NUP214: variants seen among roughly 807,000 people sequenced by gnomAD.
NUP214 encodes the protein nucleoporin 214, also known as nuclear pore complex protein Nup214.
A neutral mutation model predicts 196.2 loss-of-function variants in NUP214; 79 were observed. That is an observed-to-expected ratio of 0.40 (90% CI 0.34 to 0.49). The LOEUF (loss-of-function observed/expected upper bound fraction) is 0.49. Among genes scored for constraint, NUP214 ranks in the 20% least tolerant of loss-of-function variants. The pLI, the probability that NUP214 is intolerant of heterozygous loss-of-function variation, is 0.58. For missense variants in NUP214, 2,468 were observed against 2,539.0 expected (o/e 0.97, Z 0.60); for synonymous variants, 1,020 against 990.5 (o/e 1.03, Z -0.56).
intron 24 of NUP214, 99 bp downstream of exon 24, chr9:131,178,509 T>A: frequency 3.7e-6 from 3 of 816,392 alleles, no homozygotes; most frequent in Non-Finnish European, 6.1e-6. Flanking sequence ...AGTCTGGTTT[T>A]CCTGCACCGC....
Position 131,198,388 on chromosome 9 carries a change from G to A in NUP214, c.4894G>A (p.Ala1632Thr), listed in dbSNP as rs1159715933. The A allele has an allele frequency of 1.2e-6, 2 of 1,614,152 alleles. No homozygotes were observed. The highest frequency in any genetic ancestry group is 1.7e-5 in the Admixed American group (1 of 60,014). ...TGTTGCTCCCGGCCCATCTGCAGAG[G>A]CAGCAGCATTTGGTACCGTCACTTC... ...SIVAPGPSAE[A>T]AAFGTVTSGS... The change falls in exon 29 of 36, where the codon GCA (alanine) becomes ACA (threonine). Residue 1632 changes from alanine (A) to threonine (T), a missense_variant. Around this residue, in one of 5 missense-constraint regions of NUP214, gnomAD observed 1,801 missense variants for 1,779.4 expected, o/e 1.01. Coordinates refer to ENST00000359428, the MANE Select transcript of NUP214 (RefSeq NM_005085.4).
intron 1 of NUP214, chr9:131,126,347 G>T (rs759577799): frequency 1.3e-5 from 2 of 152,936 alleles, no homozygotes; most frequent in Non-Finnish European, 2.9e-5. Context: ...TGATAGCAAC[G>T]TGGGAGTCCC....
intron 33 of NUP214, 146 bp from the exon 34 acceptor site, chr9:131,230,484 C>T (rs776394500): frequency 4.4e-5 from 40 of 905,320 alleles, no homozygotes; most frequent in Non-Finnish European, 6.7e-5. Flanking sequence ...CTCATTCTCT[C>T]TGAAAGGCTG....
Position 131,198,745 on chromosome 9 carries a change from A to T in NUP214, c.5251A>T (p.Ser1751Cys), listed in dbSNP as rs200498016. ...SVFSFSQPGFSSVPAFGQPAS... is the reference protein window; with the variant it reads ...SVFSFSQPGFCSVPAFGQPAS... Reference sequence around the variant, plus strand: ...CTTTTCCTTCAGTCAGCCTGGGTTCAGTTCCGTGCCTGCCTTCGGTCAGCC... The same window carrying T: ...CTTTTCCTTCAGTCAGCCTGGGTTCTGTTCCGTGCCTGCCTTCGGTCAGCC... Residue 1751 changes from serine to cysteine, a missense_variant, in exon 29 of 36, where the codon AGT becomes TGT. Coordinates refer to ENST00000359428, the MANE Select transcript of NUP214 (RefSeq NM_005085.4). 2.5e-6 allele frequency: 4 copies of T among 1,614,110 alleles called. No homozygotes were observed. Among genetic ancestry groups the T allele is most frequent in the East Asian group, 2.2e-5 (1 of 44,904 alleles).
chr9:131,189,876 T>G (rs1833551170), intron 26 of NUP214: 1 of 152,768 alleles, frequency 6.5e-6, no homozygotes, highest in Non-Finnish European at 1.5e-5. Context: ...CAATACTGAA[T>G]TTTTACAACA....
chr9:131,232,521 T>C lies in NUP214; in HGVS notation c.6239+213T>C. ...GCAGGAGGTGCCAGGCCTCGCCTTC[T>C]TAAGAGGCGTGGTTCAAAGAGAAAA... is the stretch of plus-strand genomic sequence containing the variant. On this transcript the variant is annotated intron_variant, in intron 35 of 35. Coordinates refer to ENST00000359428, the MANE Select transcript of NUP214 (RefSeq NM_005085.4). The surrounding 1 kb of genome is among the most constrained non-coding windows in gnomAD (Gnocchi z 5.1). 1.6e-6 allele frequency: 1 copy of C among 621,654 alleles called. No homozygotes were observed. The highest frequency in any genetic ancestry group is 1.8e-5 in the African/African-American group (1 of 54,716). 38.5% of individuals were successfully genotyped at this position (621,654 alleles called of 1,614,324 possible). A position where few individuals can be genotyped will look rare whatever the true frequency, so the allele number is the denominator to read the frequency against.
At chr9:131,169,963 A>C (rs1441643901) in intron 21 of NUP214, among the ~76,000 whole-genome samples, 1 of 152,180 alleles carries the variant, frequency 6.6e-6, no homozygotes, top group African/African-American at 2.4e-5. Flanking sequence ...AGTCAAAACT[A>C]TAGAGACAGA....
Position 131,178,426 on chromosome 9 carries a change from A to C in NUP214, c.3419+16A>C. Reference sequence around the variant, plus strand: ...CAGCCATGGGGTATGTTCTGACTGCAGTGTGTTTCAGCCCCTGGCTGCTTC... The same window carrying C: ...CAGCCATGGGGTATGTTCTGACTGCCGTGTGTTTCAGCCCCTGGCTGCTTC... On this transcript the variant is annotated intron_variant, in intron 24 of 35. Coordinates refer to ENST00000359428, the MANE Select transcript of NUP214 (RefSeq NM_005085.4). 2 of 1,575,736 alleles carry C rather than the reference A, an allele frequency of 1.3e-6. No individual in the cohort carries two copies. The highest frequency in any genetic ancestry group is 1.7e-4 in the Middle Eastern group (1 of 5,966).
At position 131,146,347 on chromosome 9, in the gene NUP214, C is replaced by T; in HGVS notation, c.1945+43C>T. 6.3e-6 allele frequency: 10 copies of T among 1,583,918 alleles called. No individual in the cohort carries two copies. The highest frequency in any genetic ancestry group is 7.8e-6 in the Non-Finnish European group (9 of 1,155,090). On this transcript the variant is annotated intron_variant, in intron 13 of 35. Transcript: ENST00000359428. This position sits in a 1 kb window ranked among gnomAD's most constrained non-coding sequence, Gnocchi z 4.6. Reference sequence around the variant, plus strand: ...CAACTTTAGACCTCAGCCCTGCCTTCTCAGATTAACGGTTTTAAGTGTTAA... The same window carrying T: ...CAACTTTAGACCTCAGCCCTGCCTTTTCAGATTAACGGTTTTAAGTGTTAA...
intron 4 of NUP214, among the ~76,000 whole-genome samples, 189 bp from the exon 5 acceptor site, chr9:131,130,577 C>T (rs1221622244): frequency 1.3e-5 from 2 of 152,132 alleles, no homozygotes; most frequent in Non-Finnish European, 2.9e-5. Flanking sequence ...ATTCAATAGC[C>T]CAGTGATAAA....
intron 17 of NUP214, among the ~76,000 whole-genome samples, chr9:131,154,329 A>G (rs1393777411): frequency 6.6e-6 from 1 of 152,144 alleles, no homozygotes; most frequent in African/African-American, 2.4e-5. Context: ...CCATCATCCA[A>G]GCAGTGTACA....
rs1834906815 is a variant in NUP214, at chr9:131,232,480, TCTC to T, written c.6239+173_6239+175del. 5.7e-6 allele frequency: 4 copies of T among 707,192 alleles called. No individual in the cohort carries two copies. The South Asian group carries it at 6.4e-5, about 11-fold the overall frequency. The allele number at this position is 707,192 out of a possible 1,614,324, so 43.8% of individuals were successfully genotyped here. A position where few individuals can be genotyped will look rare whatever the true frequency, so the allele number is the denominator to read the frequency against. On this transcript the variant is annotated intron_variant, in intron 35 of 35. Transcript: ENST00000359428. The surrounding 1 kb of genome is among the most constrained non-coding windows in gnomAD (Gnocchi z 5.1). ...GGTTTGGGTTTTGTGGACTTGCTCT[TCTC>T]TGTAGCAATATGGCAGGAGGTGCCA...
At chr9:131,183,740 G>A (rs1833357414) in intron 24 of NUP214, among the ~76,000 whole-genome samples, 2 of 151,952 alleles carry the variant, frequency 1.3e-5, no homozygotes, top group Admixed American at 1.3e-4. Flanking sequence ...TAATCCTTTT[G>A]TTTTTCTAAT....
chr9:131,179,872 G>A lies in NUP214; in HGVS notation c.3419+1462G>A, dbSNP rs181892668. The stretch of plus-strand genomic sequence containing the variant: ...TTTGTGGTTGTTGCAAGCTTTTCAA[G>A]GGAAAGAACTATGCATTAGAGTTTG... On this transcript the variant is annotated intron_variant, in intron 24 of 35. Transcript: ENST00000359428. Among the ~76,000 whole-genome samples, 292 of 152,310 alleles carry A rather than the reference G, an allele frequency of 1.9e-3. 3 individuals carry two copies. Among genetic ancestry groups the A allele is most frequent in the African/African-American group, 6.7e-3 (279 of 41,564 alleles).
intron 9 of NUP214, among the ~76,000 whole-genome samples, chr9:131,137,999 G>C (rs559745207): frequency 6.6e-6 from 1 of 152,246 alleles, no homozygotes; most frequent in African/African-American, 2.4e-5. Flanking sequence ...TATCTTGTCT[G>C]TAGACTGTTT....
At position 131,125,624 on chromosome 9, in the gene NUP214, T is replaced by G; in HGVS notation, c.-81T>G. The G allele has an allele frequency of 6.5e-7, 1 of 1,531,572 alleles. No individual in the cohort carries two copies. The highest frequency in any genetic ancestry group is 1.2e-5 in the South Asian group (1 of 82,610). The allele number at this position is 1,531,572 out of a possible 1,614,324, so 94.9% of individuals were successfully genotyped here. On this transcript the variant is annotated 5_prime_UTR_variant, in exon 1 of 36. Coordinates refer to ENST00000359428, the MANE Select transcript of NUP214 (RefSeq NM_005085.4). The surrounding 1 kb of genome is among the most constrained non-coding windows in gnomAD (Gnocchi z 4.1). The stretch of plus-strand genomic sequence containing the variant: ...CGCCGCTGGCGCTGAGGGGAGGAAG[T>G]TTGCTGTCGAGCGGCCTGGGTTCCG...
Position 131,150,339 on chromosome 9 carries a change from C to A in NUP214, c.2056C>A (p.Pro686Thr). 6.2e-7 allele frequency: 1 copy of A among 1,614,178 alleles called. No homozygotes were observed. Among genetic ancestry groups the A allele is most frequent in the Non-Finnish European group, 8.5e-7 (1 of 1,180,002 alleles). Residue 686 changes from proline to threonine, a missense_variant, in exon 15 of 36, where the codon CCT becomes ACT. Around this residue, in one of 5 missense-constraint regions of NUP214, gnomAD observed 1,801 missense variants for 1,779.4 expected, o/e 1.01. Transcript: ENST00000359428. Reference protein sequence around the residue: ...PGSPQAKSLQPAVAEKQGHQW... With the variant: ...PGSPQAKSLQTAVAEKQGHQW... ...TCCATTTCAGGCAAAGTCACTTCAG[C>A]CTGCTGTTGCAGAAAAGCAGGGACA...
chr9:131,190,170 G>GA (rs1247143007), intron 26 of NUP214: 13 of 341,004 alleles, frequency 3.8e-5, no homozygotes, highest in Admixed American at 9.6e-5. Flanking sequence ...ACATGAGAAG[G>GA]AGGTATCTAG....
rs569335515 is a variant in NUP214 at position 131,233,261 on chromosome 9, G to A, written c.6240-193G>A. 8.5e-5 allele frequency among the ~76,000 whole-genome samples: 13 copies of A among 152,206 alleles called. No individual in the cohort carries two copies. The South Asian group carries it at 1.2e-3, about 15-fold the overall frequency. ...TGAGGCAAAAGAAGCACTTGAGCCC[G>A]AGAGACAGAGGTTGCAGTGAGCTGA... On this transcript the variant is annotated intron_variant, in intron 35 of 35. Coordinates refer to ENST00000359428, the MANE Select transcript of NUP214 (RefSeq NM_005085.4).
Sources: gnomAD v4.1 joint callset for allele counts (sites outside exome capture counted in the v4.1 genomes callset) on GRCh38, gnomAD v4.1.1 for gene constraint, gnomAD v4.1.1 regional missense constraint, Gnocchi (gnomAD v3.1) non-coding constraint, MANE v1.5 for transcripts, NCBI Gene and HGNC (gene_info 2026-07-23, HGNC 2026-07-21) for gene names.